The following KRI1 variants were observed in gnomAD, a reference collection of about 807,000 sequenced individuals.
The protein encoded by KRI1 is protein KRI1 homolog.
KRI1 carries 83 observed loss-of-function variants against 97.0 expected under a neutral mutation model. The ratio of observed to expected loss-of-function variants is 0.86; its 90% CI spans 0.72 to 1.03. KRI1 has a LOEUF of 1.03. Among genes scored for constraint, KRI1 ranks in the 50% least tolerant of loss-of-function variants. The pLI is 0.00. For synonymous variants in KRI1, 371 were observed against 363.5 expected (o/e 1.02, Z -0.23); for missense variants, 916 against 928.4 (o/e 0.99, Z 0.17).
At chr19:10,561,936 G>A in intron 4 of KRI1, 91 bp from the exon 5 acceptor site, 1 of 1,192,594 alleles carries the variant, frequency 8.4e-7, no homozygotes, top group Non-Finnish European at 1.2e-6. Flanking sequence ...AGCAACAGCT[G>A]GCGGGGGTCA....
rs1171592276 is a variant in KRI1, at chr19:10,553,514, C to T, written c.*437G>A. The T allele has an allele frequency of 5.4e-6, 1 of 184,340 alleles. No homozygotes were observed. Among genetic ancestry groups the T allele is most frequent in the East Asian group, 1.5e-4 (1 of 6,792 alleles). The allele number at this position is 184,340 out of a possible 1,614,324, so 11.4% of individuals were successfully genotyped here. A position where few individuals can be genotyped will look rare whatever the true frequency, so the allele number is the denominator to read the frequency against. On this transcript the variant is annotated 3_prime_UTR_variant, in exon 19 of 19. Transcript: ENST00000312962. ...CAAGTCACGGGAAGTTTAAGTCAGC[C>T]TCAGTTTCCACATCCATAAAATGGG...
intron 3 of KRI1, among the ~76,000 whole-genome samples, chr19:10,563,487 G>C (rs564207676): frequency 6.6e-6 from 1 of 151,372 alleles, no homozygotes; most frequent in East Asian, 2.0e-4. Context: ...CTGGGATTAC[G>C]GGTGTGCACC....
chr19:10,565,314 C>T, intron 2 of KRI1: 3 of 548,346 alleles, frequency 5.5e-6, no homozygotes, highest in South Asian at 2.2e-5. Context: ...GGGCTGAGGG[C>T]ACAAGAGAGA....
At chr19:10,561,589 T>C (rs986047168) in intron 6 of KRI1, 78 bp downstream of exon 6, 18 of 1,364,770 alleles carry the variant, frequency 1.3e-5, no homozygotes, top group Non-Finnish European at 1.9e-5. Flanking sequence ...GTGACAGAGC[T>C]CAATTTGAAC....
At chr19:10,560,953 G>C in intron 8 of KRI1, 50 bp downstream of exon 8, 1 of 1,393,458 alleles carries the variant, frequency 7.2e-7, no homozygotes, top group Non-Finnish European at 1.0e-6. Flanking sequence ...AGGTTGGATG[G>C]ACGCGGAACA....
At chr19:10,565,289 T>G (rs1240441326) in intron 2 of KRI1, 1 of 555,292 alleles carries the variant, frequency 1.8e-6, no homozygotes, top group African/African-American at 1.9e-5. Context: ...GACAAAGACT[T>G]GACAAGGGGC....
rs1219829332 is a variant in KRI1 at position 10,553,128 on chromosome 19, T to G, written c.*823A>C. On this transcript the variant is annotated 3_prime_UTR_variant, in exon 19 of 19. Transcript: ENST00000312962. Reference sequence around the variant, plus strand: ...ATTTTTTTATTTATGTCATGTCGGGTGTGGGATCTTGAGCTCTGGCAGTGA... The same window carrying G: ...ATTTTTTTATTTATGTCATGTCGGGGGTGGGATCTTGAGCTCTGGCAGTGA... 1 of 1,491,906 alleles carries G rather than the reference T, an allele frequency of 6.7e-7. No homozygotes were observed. The allele number at this position is 1,491,906 out of a possible 1,614,324, so 92.4% of individuals were successfully genotyped here.
chr19:10,562,988 A>G (rs747670125), intron 3 of KRI1, 151 bp from the exon 4 acceptor site: 16 of 592,444 alleles, frequency 2.7e-5, no homozygotes, highest in Non-Finnish European at 5.0e-5. Flanking sequence ...GCTTGTCACC[A>G]TCTGGTGGGG....
rs1916615245 is a variant in KRI1 at position 10,559,301 on chromosome 19, A to C, written c.1194+58T>G. On this transcript the variant is annotated intron_variant, in intron 12 of 18. Transcript: ENST00000312962. Reference sequence around the variant, plus strand: ...ATTACAGGCGTGAGCCACCGTGGCCAGTGAGAGCCATGTTTGTGTGAACTC... The same window carrying C: ...ATTACAGGCGTGAGCCACCGTGGCCCGTGAGAGCCATGTTTGTGTGAACTC... 1.9e-6 allele frequency: 3 copies of C among 1,572,584 alleles called. No individual in the cohort carries two copies. The South Asian group carries it at 3.5e-5, about 18-fold the overall frequency.
chr19:10,560,318 T>C lies in KRI1; in HGVS notation c.794A>G (p.Glu265Gly). ...EEEDEEEMEE[E>G]EGVHGPPVQL... ...GGGAGATGCAGTGGCTCACCCCTCC[T>C]CTTCCTCCATTTCCTCTTCATCTTC... The change falls in exon 9 of 19, where the codon GAG (glutamate) becomes GGG (glycine). Residue 265 changes from glutamate to glycine, a missense_variant. Transcript: ENST00000312962. 6.2e-7 allele frequency: 1 copy of C among 1,607,806 alleles called. No individual in the cohort carries two copies. The highest frequency in any genetic ancestry group is 8.5e-7 in the Non-Finnish European group (1 of 1,177,326).
intron 2 of KRI1, 196 bp downstream of exon 2, chr19:10,565,519 GGA>G: frequency 1.5e-6 from 1 of 655,172 alleles, no homozygotes; most frequent in Non-Finnish European, 2.5e-6. Flanking sequence ...TCGTGGCAGG[GGA>G]GAGAAAATAA....
intron 6 of KRI1, 37 bp downstream of exon 6, chr19:10,561,630 T>C (rs1916701254): frequency 1.2e-6 from 2 of 1,609,148 alleles, no homozygotes; most frequent in Admixed American, 1.7e-5. Flanking sequence ...AGCCTCAACT[T>C]TCCTCCATTG....
At position 10,564,732 on chromosome 19, in the gene KRI1, A is replaced by C. The variant is rs540101812; in HGVS notation, c.274+197T>G. Reference sequence around the variant, plus strand: ...AAGCAATTCATTCAATAGTCAAAACAGATGAACTGTGTAAACTGGGTAAAT... The same window carrying C: ...AAGCAATTCATTCAATAGTCAAAACCGATGAACTGTGTAAACTGGGTAAAT... On this transcript the variant is annotated intron_variant, in intron 3 of 18. Coordinates refer to ENST00000312962, the MANE Select transcript of KRI1 (RefSeq NM_023008.5). 1.2e-4 allele frequency among the ~76,000 whole-genome samples: 19 copies of C among 152,348 alleles called. No homozygotes were observed. The South Asian group carries it at 3.9e-3, about 32-fold the overall frequency.
At position 10,554,157 on chromosome 19, in the gene KRI1, C is replaced by T. The variant is rs768414761; in HGVS notation, c.1906G>A (p.Ala636Thr). 1.2e-5 allele frequency: 20 copies of T among 1,613,974 alleles called. No individual in the cohort carries two copies. In the East Asian group the frequency reaches 4.2e-4, roughly 34 times the overall value. ...GGCTTCTTGTGGGGTGATACAGGGG[C>T]TTCCTCTTCCTGTGCTGGGGGACTC... is the stretch of plus-strand genomic sequence containing the variant. The part of the protein sequence containing the change: ...PESPPAQEEE[A>T]PVSPHKKPAP... Residue 636 changes from alanine to threonine, a missense_variant, in exon 19 of 19, where the codon GCC becomes ACC. This residue lies in a region of KRI1 where 672 missense variants were observed against 667.2 expected (regional missense o/e 1.01). Coordinates refer to ENST00000312962, the MANE Select transcript of KRI1 (RefSeq NM_023008.5).
At position 10,558,049 on chromosome 19, in the gene KRI1, A is replaced by G. The variant is rs780791512; in HGVS notation, c.1282T>C (p.Trp428Arg). 4 of 1,613,900 alleles carry G rather than the reference A, an allele frequency of 2.5e-6. No individual in the cohort carries two copies. In the African/African-American group the frequency reaches 5.3e-5, roughly 22 times the overall value. ...EEEGLEDDWN[W>R]DTWDGPEQEG... is the part of the protein sequence containing the mutation. ...TGCTCAGGCCCGTCCCACGTGTCCC[A>G]GTTCCAGTCGTCTGGATGCAGGGAG... Residue 428 changes from tryptophan (W) to arginine (R), a missense_variant, in exon 14 of 19, where the codon TGG (tryptophan) becomes CGG (arginine). Physicochemically the swap from Trp to Arg is moderately radical, Grantham distance 101. Around this residue, in one of 3 missense-constraint regions of KRI1, gnomAD observed 672 missense variants for 667.2 expected, o/e 1.01. Coordinates refer to ENST00000312962, the MANE Select transcript of KRI1 (RefSeq NM_023008.5).
At chr19:10,555,865 T>C (rs1387065162) in intron 16 of KRI1, among the ~76,000 whole-genome samples, 2 of 152,208 alleles carry the variant, frequency 1.3e-5, no homozygotes, top group South Asian at 2.1e-4. Context: ...CAGTCAGGCA[T>C]AGTAGGTACC....
chr19:10,555,444 C>G lies in KRI1; in HGVS notation c.1618-95G>C. 24 of 1,313,488 alleles carry G rather than the reference C, an allele frequency of 1.8e-5. 1 individual carries two copies. The South Asian group carries it at 2.9e-4, about 16-fold the overall frequency. The allele number at this position is 1,313,488 out of a possible 1,614,324, so 81.4% of individuals were successfully genotyped here. A position where few individuals can be genotyped will look rare whatever the true frequency, so the allele number is the denominator to read the frequency against. ...ATGTCATTAGTCAAAACGGTAATGC[C>G]GCTACCACCCAGCAGGGTTGCCATG... On this transcript the variant is annotated intron_variant, in intron 16 of 18. Transcript: ENST00000312962.
chr19:10,561,101 A>G (rs1483914499), intron 7 of KRI1, 21 bp from the exon 8 acceptor site: 3 of 1,612,064 alleles, frequency 1.9e-6, no homozygotes, highest in Non-Finnish European at 1.7e-6. Context: ...GCTAGCACTG[A>G]GCATCCGCAG....
At chr19:10,564,460 CAA>C (rs71162096) in intron 3 of KRI1, among the ~76,000 whole-genome samples, 31 of 143,260 alleles carry the variant, frequency 2.2e-4, no homozygotes, top group East Asian at 4.1e-4. Context: ...AACTCCATTT[CAA>C]AAAAAAAAAA....
Sources: allele counts gnomAD v4.1 joint callset (sites outside exome capture counted in the v4.1 genomes callset), GRCh38; gene constraint gnomAD v4.1.1; regional missense constraint gnomAD v4.1.1; transcripts MANE v1.5; gene names NCBI Gene and HGNC (gene_info 2026-07-23, HGNC 2026-07-21).